ZFHX3: variants seen among roughly 807,000 people sequenced by gnomAD.
ZFHX3 encodes the protein zinc finger homeobox 3, also known as zinc finger homeobox protein 3.
ZFHX3 carries 42 observed loss-of-function variants against 279.1 expected under a neutral mutation model. That is an observed-to-expected ratio of 0.15 (90% CI 0.12 to 0.19). The LOEUF is 0.19. Ranked by LOEUF, ZFHX3 falls within the 10% of genes least tolerant of loss-of-function variation. The pLI is 1.00. For synonymous variants in ZFHX3, 2,293 were observed against 1,957.8 expected (o/e 1.17, Z -4.52); for missense variants, 4,981 against 4,754.0 (o/e 1.05, Z -1.40).
intron 1 of ZFHX3, among the ~76,000 whole-genome samples, chr16:73,784,574 C>A (rs2142307563): frequency 6.6e-6 from 1 of 151,810 alleles, no homozygotes; most frequent in Non-Finnish European, 1.5e-5. Context: ...TGGTGAAACC[C>A]CATCTCTACT....
At chr16:72,884,955 C>G (rs548524291) in intron 4 of ZFHX3, among the ~76,000 whole-genome samples, 1 of 152,268 alleles carries the variant, frequency 6.6e-6, no homozygotes, top group South Asian at 2.1e-4. Context: ...CCAACCAATT[C>G]CAGAGACTAC....
intron 5 of ZFHX3, among the ~76,000 whole-genome samples, chr16:73,189,896 C>G (rs563967386): frequency 6.6e-6 from 1 of 152,100 alleles, no homozygotes; most frequent in African/African-American, 2.4e-5. Context: ...GAGTTCAAGA[C>G]CAGCCTGGGC....
intron 2 of ZFHX3, among the ~76,000 whole-genome samples, chr16:73,517,743 A>G (rs902455291): frequency 6.6e-6 from 1 of 152,238 alleles, no homozygotes; most frequent in African/African-American, 2.4e-5. Flanking sequence ...ATAAATTCCC[A>G]ATCACTTTAA....
chr16:72,858,547 C>T (rs2037808394), intron 4 of ZFHX3, among the ~76,000 whole-genome samples: 2 of 152,214 alleles, frequency 1.3e-5, no homozygotes, highest in African/African-American at 4.8e-5. Context: ...CAATCAATAT[C>T]ACTGGCTGTA....
chr16:72,930,952 C>T (rs1959764031), intron 3 of ZFHX3, among the ~76,000 whole-genome samples: 1 of 152,184 alleles, frequency 6.6e-6, no homozygotes, highest in East Asian at 1.9e-4. Context: ...ATGAGTATTG[C>T]TATGCAAAAC....
At chr16:72,863,284 C>T (rs533779303) in intron 4 of ZFHX3, among the ~76,000 whole-genome samples, 35 of 138,510 alleles carry the variant, frequency 2.5e-4, no homozygotes, top group African/African-American at 9.2e-4. Context: ...GGGAGGATTG[C>T]TTGAGCTCAG....
At chr16:73,369,550 C>T (rs931912150) in intron 3 of ZFHX3, among the ~76,000 whole-genome samples, 1 of 152,146 alleles carries the variant, frequency 6.6e-6, no homozygotes, top group East Asian at 1.9e-4. Flanking sequence ...ACCATTCCTG[C>T]CTCACAGGTT....
intron 1 of ZFHX3, among the ~76,000 whole-genome samples, chr16:73,806,178 A>G (rs916862334): frequency 1.3e-5 from 2 of 152,220 alleles, no homozygotes; most frequent in East Asian, 1.9e-4. Context: ...TGATTCAATT[A>G]TCTCCATCTG....
chr16:73,276,852 C>T (rs1393630821), intron 4 of ZFHX3, among the ~76,000 whole-genome samples: 1 of 152,194 alleles, frequency 6.6e-6, no homozygotes. Flanking sequence ...ATGAGGCAAA[C>T]ATTCCATCAT....
At chr16:72,998,835 A>C (rs1028935865) in intron 1 of ZFHX3, among the ~76,000 whole-genome samples, 1 of 152,238 alleles carries the variant, frequency 6.6e-6, no homozygotes, top group Admixed American at 6.5e-5. Flanking sequence ...CCTGGAGTTA[A>C]CAGATTTTCA....
intron 5 of ZFHX3, among the ~76,000 whole-genome samples, chr16:73,219,919 C>T: frequency 6.6e-6 from 1 of 152,074 alleles, no homozygotes; most frequent in Admixed American, 6.5e-5. Context: ...AACCCCGTCT[C>T]TACCAAAAAT....
At chr16:73,220,117 A>G (rs2012361113) in intron 5 of ZFHX3, among the ~76,000 whole-genome samples, 1 of 152,060 alleles carries the variant, frequency 6.6e-6, no homozygotes, top group South Asian at 2.1e-4. Context: ...AAAGAAAAAG[A>G]AAAAGAAAAA....
intron 1 of ZFHX3, among the ~76,000 whole-genome samples, chr16:72,991,987 A>C (rs1306990260): frequency 6.6e-6 from 1 of 152,210 alleles, no homozygotes; most frequent in East Asian, 1.9e-4. Flanking sequence ...GAAAAGAAAA[A>C]TGTAAAGCAA....
At chr16:73,824,400 GTT>G (rs1163569387) in intron 1 of ZFHX3, among the ~76,000 whole-genome samples, 178 of 125,762 alleles carry the variant, frequency 1.4e-3, no homozygotes, top group African/African-American at 5.2e-3. Context: ...TTTTTTTAAT[GTT>G]TTTTTTTTTT....
chr16:73,798,691 A>C (rs985428429), intron 1 of ZFHX3, among the ~76,000 whole-genome samples: 10 of 152,192 alleles, frequency 6.6e-5, no homozygotes, highest in African/African-American at 2.4e-4. Flanking sequence ...AGATGACAGA[A>C]GGACGTCAAG....
chr16:73,240,667 G>T (rs1272060561), intron 5 of ZFHX3, among the ~76,000 whole-genome samples: 1 of 152,184 alleles, frequency 6.6e-6, no homozygotes, highest in Non-Finnish European at 1.5e-5. Flanking sequence ...CACACATTGG[G>T]CGACTTGATG....
At chr16:73,576,783 T>C (rs555631930) in intron 2 of ZFHX3, among the ~76,000 whole-genome samples, 1 of 152,248 alleles carries the variant, frequency 6.6e-6, no homozygotes, top group African/African-American at 2.4e-5. Context: ...GGTAAACTCA[T>C]GTCAGGAGGG....
intron 2 of ZFHX3, among the ~76,000 whole-genome samples, chr16:73,528,884 A>T (rs1441147580): frequency 6.6e-6 from 1 of 152,204 alleles, no homozygotes; most frequent in Non-Finnish European, 1.5e-5. Flanking sequence ...ACATTACAGA[A>T]CATCAACCTC....
At chr16:72,928,422 G>GC in intron 3 of ZFHX3, among the ~76,000 whole-genome samples, 1 of 151,962 alleles carries the variant, frequency 6.6e-6, no homozygotes, top group African/African-American at 2.4e-5. Context: ...ACATGCAAAA[G>GC]CGCCCCCACC....
Sources: gnomAD v4.1 joint callset for allele counts (sites outside exome capture counted in the v4.1 genomes callset) on GRCh38, gnomAD v4.1.1 for gene constraint, MANE v1.5 for transcripts, NCBI Gene and HGNC (gene_info 2026-07-23, HGNC 2026-07-21) for gene names.